The following CMSS1 variants were observed in gnomAD, a reference collection of about 807,000 sequenced individuals.
The protein encoded by CMSS1 is protein CMSS1.
A neutral mutation model predicts 43.5 loss-of-function variants in CMSS1; 33 were observed. The ratio of observed to expected loss-of-function variants is 0.76; its 90% CI spans 0.57 to 1.01. The LOEUF is 1.01. CMSS1 is among the 50% of genes least tolerant of loss of function. CMSS1 has a pLI of 0.00. For synonymous variants in CMSS1, 115 were observed against 117.2 expected, an observed-to-expected ratio of 0.98 and a Z score of 0.12; for missense variants, 313 against 326.4, an observed-to-expected ratio of 0.96 and a Z score of 0.32.
intron 1 of CMSS1, among the ~76,000 whole-genome samples, chr3:99,825,411 G>A (rs556823054): frequency 6.6e-6 from 1 of 152,294 alleles, no homozygotes; most frequent in South Asian, 2.1e-4. Flanking sequence ...AGAAGAAAGA[G>A]GAGGGAGAAA....
At chr3:99,889,922 T>C (rs554945610) in intron 1 of CMSS1, among the ~76,000 whole-genome samples, 34 of 152,252 alleles carry the variant, frequency 2.2e-4, no homozygotes, top group Middle Eastern at 3.4e-3. Context: ...TTATAATCTA[T>C]TATTGTTCTA....
At chr3:100,019,459 A>T (rs1225591633) in intron 1 of CMSS1, among the ~76,000 whole-genome samples, 1 of 152,236 alleles carries the variant, frequency 6.6e-6, no homozygotes, top group South Asian at 2.1e-4. Context: ...GATGACATTT[A>T]AAAAATAATC....
At position 100,085,116 on chromosome 3, in the gene CMSS1, A is replaced by G. The variant is rs1368580197; in HGVS notation, c.65-61857A>G. Among the ~76,000 whole-genome samples, 3 of 152,202 alleles carry G rather than the reference A, an allele frequency of 2.0e-5. No individual in the cohort carries two copies. In the East Asian group the frequency reaches 5.8e-4, roughly 29 times the overall value. ...GGTGGTTTCCAGCCCAGGCTGCTCA[A>G]TAGAATCACAAGAGAAACAGTCCTG... On this transcript the variant is annotated intron_variant, in intron 1 of 9. Transcript: ENST00000421999.
At chr3:99,865,746 A>T (rs190420945) in intron 1 of CMSS1, among the ~76,000 whole-genome samples, 2 of 151,632 alleles carry the variant, frequency 1.3e-5, no homozygotes, top group African/African-American at 4.9e-5. Flanking sequence ...CTTCAAGGGC[A>T]TAATAATAAA....
intron 1 of CMSS1, among the ~76,000 whole-genome samples, chr3:99,820,641 C>T (rs1003889594): frequency 1.9e-4 from 29 of 152,204 alleles, no homozygotes; most frequent in African/African-American, 6.0e-4. Context: ...ATCTGTACAG[C>T]GTTTCTAATT....
intron 1 of CMSS1, among the ~76,000 whole-genome samples, chr3:99,869,018 TAGAG>T (rs1352459929): frequency 6.6e-6 from 1 of 152,170 alleles, no homozygotes; most frequent in Non-Finnish European, 1.5e-5. Context: ...GACCAAATGA[TAGAG>T]AGGTAAAAAG....
chr3:100,160,518 C>T lies in CMSS1; in HGVS notation c.225+17C>T, dbSNP rs2067014616. On this transcript the variant is annotated intron_variant, in intron 3 of 9. Coordinates refer to ENST00000421999, the MANE Select transcript of CMSS1 (RefSeq NM_032359.4). The stretch of plus-strand genomic sequence containing the variant: ...AGAAGAAAGGTAATATTAATAATTT[C>T]TTAAATTTGTATGGCCCCACATGGT... The T allele has an allele frequency of 3.9e-6, 5 of 1,294,878 alleles. No individual in the cohort carries two copies. Among genetic ancestry groups the T allele is most frequent in the Non-Finnish European group, 5.5e-6 (5 of 905,416 alleles). 80.2% of individuals were successfully genotyped at this position (1,294,878 alleles called of 1,614,324 possible). A position where few individuals can be genotyped will look rare whatever the true frequency, so the allele number is the denominator to read the frequency against.
At chr3:99,881,554 A>C (rs1187907529) in intron 1 of CMSS1, among the ~76,000 whole-genome samples, 1 of 149,326 alleles carries the variant, frequency 6.7e-6, no homozygotes, top group Non-Finnish European at 1.5e-5. Context: ...TTTTTTTGAG[A>C]CACAGTCTCA....
At chr3:99,932,385 T>A (rs1443102682) in intron 1 of CMSS1, among the ~76,000 whole-genome samples, 2 of 152,244 alleles carry the variant, frequency 1.3e-5, no homozygotes, top group Non-Finnish European at 2.9e-5. Flanking sequence ...TTGAGATTCT[T>A]CCTTGTTCTA....
chr3:100,162,485 G>C, intron 4 of CMSS1, 53 bp downstream of exon 4: 1 of 1,572,792 alleles, frequency 6.4e-7, no homozygotes, highest in Non-Finnish European at 8.7e-7. Context: ...ATAAGTATCT[G>C]TTATGGTTAG....
intron 4 of CMSS1, among the ~76,000 whole-genome samples, chr3:100,163,267 GA>G (rs1250435378): frequency 5.9e-5 from 9 of 152,162 alleles, no homozygotes; most frequent in African/African-American, 2.2e-4. Context: ...TTATAGACAA[GA>G]ACTTTAGCCT....
chr3:99,820,674 A>C (rs923316207), intron 1 of CMSS1, among the ~76,000 whole-genome samples: 2 of 152,264 alleles, frequency 1.3e-5, no homozygotes, highest in African/African-American at 4.8e-5. Flanking sequence ...CAGCTGAACC[A>C]CAGATTTCCT....
chr3:99,862,091 C>CA (rs554691597), intron 1 of CMSS1, among the ~76,000 whole-genome samples: 3 of 151,890 alleles, frequency 2.0e-5, no homozygotes, highest in Non-Finnish European at 4.4e-5. Context: ...GTTCTCACCA[C>CA]AAAAAAATGA....
intron 1 of CMSS1, chr3:99,849,143 G>T: frequency 6.2e-7 from 1 of 1,614,130 alleles, no homozygotes. Flanking sequence ...TTGAAGGACA[G>T]CACAGATCCC....
intron 1 of CMSS1, among the ~76,000 whole-genome samples, chr3:100,139,733 G>T (rs2066789578): frequency 6.7e-6 from 1 of 149,212 alleles, no homozygotes. Flanking sequence ...GGAGGCGGAG[G>T]TTGCAGTTAG....
chr3:100,079,562 A>C (rs143556398), intron 1 of CMSS1, among the ~76,000 whole-genome samples: 1 of 152,232 alleles, frequency 6.6e-6, no homozygotes, highest in African/African-American at 2.4e-5. Flanking sequence ...TTTATTTTTG[A>C]ATAGATACAG....
At chr3:99,830,465 G>T (rs778641584) in intron 1 of CMSS1, 3 of 456,406 alleles carry the variant, frequency 6.6e-6, no homozygotes, top group South Asian at 3.1e-5. Flanking sequence ...CAGTTCTCAC[G>T]ATGTGTAGCT....
At chr3:99,931,168 G>C in intron 1 of CMSS1, 3 of 684,128 alleles carry the variant, frequency 4.4e-6, no homozygotes, top group African/African-American at 1.8e-5. Flanking sequence ...GTCTACAGCA[G>C]AGAAGGATAT....
chr3:99,924,229 C>T, intron 1 of CMSS1: 1 of 1,612,276 alleles, frequency 6.2e-7, no homozygotes, highest in Non-Finnish European at 8.5e-7. Flanking sequence ...AGCAGCCTTA[C>T]CTTTCACATT....
Sources: allele counts gnomAD v4.1 joint callset (sites outside exome capture counted in the v4.1 genomes callset), GRCh38; gene constraint gnomAD v4.1.1; transcripts MANE v1.5; gene names NCBI Gene and HGNC (gene_info 2026-07-23, HGNC 2026-07-21).